The following ADAM2 variants were observed in gnomAD, a reference collection of about 807,000 sequenced individuals.
ADAM2 encodes the protein disintegrin and metalloproteinase domain-containing protein 2.
ADAM2 carries 101 observed loss-of-function variants against 99.3 expected under a neutral mutation model. The ratio of observed to expected loss-of-function variants is 1.02; its 90% CI spans 0.87 to 1.20. The LOEUF (loss-of-function observed/expected upper bound fraction) is 1.20, where lower values mean the gene tolerates loss of function less well. ADAM2 is among the 50% of genes most tolerant of loss of function. The probability of loss-of-function intolerance (pLI) is 0.00; values close to 1 mark genes in which losing one functional copy is unlikely to be tolerated. For synonymous variants in ADAM2, 323 were observed against 287.6 expected, an observed-to-expected ratio of 1.12 and a Z score of -1.25; for missense variants, 948 against 878.7, an observed-to-expected ratio of 1.08 and a Z score of -1.00.
chr8:39,750,002 A>C (rs1823661841), intron 16 of ADAM2, among the ~76,000 whole-genome samples: 1 of 152,112 alleles, frequency 6.6e-6, no homozygotes, highest in Non-Finnish European at 1.5e-5. Flanking sequence ...AGCAGGGACA[A>C]ATATGAAATG....
chr8:39,792,456 G>A (rs888207976), intron 7 of ADAM2, among the ~76,000 whole-genome samples: 2 of 151,998 alleles, frequency 1.3e-5, no homozygotes, highest in African/African-American at 2.4e-5. Context: ...ACAAAAGACT[G>A]TAAGACTGAT....
At chr8:39,781,892 A>G (rs13253873) in intron 10 of ADAM2, among the ~76,000 whole-genome samples, 71,406 of 151,970 alleles carry the variant, frequency 0.47, 17,123 homozygotes, top group South Asian at 0.67. Context: ...AATGGTCATA[A>G]AAGATTCTGG....
intron 7 of ADAM2, among the ~76,000 whole-genome samples, chr8:39,790,859 A>C (rs1455494891): frequency 6.6e-6 from 1 of 151,864 alleles, no homozygotes; most frequent in Non-Finnish European, 1.5e-5. Flanking sequence ...GAGAGGATTA[A>C]ATGTAATATT....
At chr8:39,812,202 G>A (rs940811516) in intron 6 of ADAM2, among the ~76,000 whole-genome samples, 2 of 152,018 alleles carry the variant, frequency 1.3e-5, no homozygotes, top group African/African-American at 4.8e-5. Context: ...AAAATACCTA[G>A]GAATCCAACT....
chr8:39,773,319 A>G (rs1802856641), intron 11 of ADAM2, among the ~76,000 whole-genome samples: 2 of 151,854 alleles, frequency 1.3e-5, no homozygotes, highest in African/African-American at 4.8e-5. Context: ...AGAGAAATGC[A>G]CAGCTTTAAA....
At position 39,752,256 on chromosome 8, in the gene ADAM2, CAATA is replaced by C. The variant is rs982540418; in HGVS notation, c.1798-2516_1798-2513del. Among the ~76,000 whole-genome samples, 114 of 152,140 alleles carry C rather than the reference CAATA, an allele frequency of 7.5e-4. 1 individual carries two copies. Among genetic ancestry groups the C allele is most frequent in the African/African-American group, 2.7e-3 (112 of 41,516 alleles). On this transcript the variant is annotated intron_variant, in intron 16 of 20. Transcript: ENST00000265708. Reference sequence around the variant, plus strand: ...TTAGAAGCAGGTTATATCAAACTTTCAATAAATAGTCTGGGGAGGTACATCAGAA... The same window carrying C: ...TTAGAAGCAGGTTATATCAAACTTTCAATAGTCTGGGGAGGTACATCAGAA...
At chr8:39,827,132 C>T (rs1374191413) in intron 3 of ADAM2, among the ~76,000 whole-genome samples, 3 of 152,044 alleles carry the variant, frequency 2.0e-5, no homozygotes, top group East Asian at 1.9e-4. Flanking sequence ...ATATGAAAAA[C>T]TTCTCATTCT....
chr8:39,785,913 A>C (rs1279113853), intron 10 of ADAM2, among the ~76,000 whole-genome samples: 2 of 152,220 alleles, frequency 1.3e-5, no homozygotes, highest in Admixed American at 1.3e-4. Context: ...GAATCAGCCT[A>C]AGTGTCCGTA....
chr8:39,746,062 G>T (rs1406320182), intron 19 of ADAM2, among the ~76,000 whole-genome samples: 1 of 151,898 alleles, frequency 6.6e-6, no homozygotes, highest in African/African-American at 2.4e-5. Flanking sequence ...GTCTCACTCT[G>T]TTGCCTAGGC....
intron 12 of ADAM2, 40 bp from the exon 13 acceptor site, chr8:39,767,291 T>C: frequency 6.6e-7 from 1 of 1,505,528 alleles, no homozygotes; most frequent in Non-Finnish European, 9.2e-7. Flanking sequence ...TTTTCCAACT[T>C]GTATTCATAT....
intron 7 of ADAM2, among the ~76,000 whole-genome samples, chr8:39,796,015 T>C (rs1803923473): frequency 6.6e-6 from 1 of 152,102 alleles, no homozygotes; most frequent in Non-Finnish European, 1.5e-5. Context: ...AAAAAGAACA[T>C]GTGTCAGAAA....
At chr8:39,749,290 C>A (rs1398965523) in intron 18 of ADAM2, 22 bp downstream of exon 18, 10 of 1,566,740 alleles carry the variant, frequency 6.4e-6, no homozygotes, top group East Asian at 4.5e-5. Context: ...TAATTATTTT[C>A]TGATTTATTA....
chr8:39,755,685 T>A (rs754689400), intron 16 of ADAM2, 43 bp downstream of exon 16: 1 of 1,494,236 alleles, frequency 6.7e-7, no homozygotes, highest in South Asian at 1.2e-5. Flanking sequence ...AAGGGCAAAG[T>A]CTAAAATATT....
At chr8:39,785,330 C>T (rs1347168749) in intron 10 of ADAM2, among the ~76,000 whole-genome samples, 3 of 152,156 alleles carry the variant, frequency 2.0e-5, no homozygotes, top group African/African-American at 7.2e-5. Flanking sequence ...CCATCTCACA[C>T]CAGTCAGAAC....
intron 14 of ADAM2, among the ~76,000 whole-genome samples, chr8:39,765,730 G>GT (rs551847512): frequency 2.6e-5 from 4 of 152,086 alleles, no homozygotes; most frequent in African/African-American, 9.6e-5. Flanking sequence ...TTTTCATTTT[G>GT]TAAGTTTCTT....
intron 14 of ADAM2, among the ~76,000 whole-genome samples, chr8:39,765,420 T>A (rs1802534388): frequency 6.6e-6 from 1 of 152,134 alleles, no homozygotes; most frequent in African/African-American, 2.4e-5. Context: ...TGATACCTTA[T>A]GATATGAAGA....
intron 4 of ADAM2, among the ~76,000 whole-genome samples, chr8:39,824,176 G>T (rs1049047295): frequency 4.0e-5 from 6 of 151,660 alleles, no homozygotes; most frequent in African/African-American, 1.5e-4. Context: ...CCAGCTACTT[G>T]GGAGGCTGAG....
At chr8:39,834,022 A>G (rs1267058257) in intron 2 of ADAM2, 23 bp from the exon 3 acceptor site, 1 of 1,447,810 alleles carries the variant, frequency 6.9e-7, no homozygotes, top group African/African-American at 1.4e-5. Context: ...CACAGTAAAA[A>G]TACAAAGAAA....
chr8:39,800,101 T>C (rs1374951098), intron 7 of ADAM2, among the ~76,000 whole-genome samples: 1 of 152,228 alleles, frequency 6.6e-6, no homozygotes, highest in Admixed American at 6.5e-5. Flanking sequence ...CACTGGTTGA[T>C]GCAGTTTCTT....
Sources: gnomAD v4.1 joint callset for allele counts (sites outside exome capture counted in the v4.1 genomes callset) on GRCh38, gnomAD v4.1.1 for gene constraint, MANE v1.5 for transcripts, NCBI Gene and HGNC (gene_info 2026-07-23, HGNC 2026-07-21) for gene names.